The following MTMR12 variants were observed in gnomAD, a reference collection of about 807,000 sequenced individuals.
The protein encoded by MTMR12 is myotubularin-related protein 12.
MTMR12 carries 33 observed loss-of-function variants against 96.7 expected under a neutral mutation model. That is an observed-to-expected ratio of 0.34 (90% CI 0.26 to 0.46). The LOEUF is 0.46. MTMR12 is among the 20% of genes least tolerant of loss of function. MTMR12 has a pLI of 1.00. For missense variants in MTMR12, 721 were observed against 896.1 expected (o/e 0.80, Z 2.49); for synonymous variants, 298 against 327.2 (o/e 0.91, Z 0.96).
At chr5:32,255,316 A>C (rs1749094064) in intron 8 of MTMR12, among the ~76,000 whole-genome samples, 1 of 152,124 alleles carries the variant, frequency 6.6e-6, no homozygotes, top group Admixed American at 6.5e-5. Flanking sequence ...CTGGGAGAAA[A>C]CACCACCATG....
chr5:32,304,553 T>C (rs1433974390), intron 1 of MTMR12, among the ~76,000 whole-genome samples: 1 of 152,226 alleles, frequency 6.6e-6, no homozygotes, highest in Non-Finnish European at 1.5e-5. Flanking sequence ...TGGAATTTTC[T>C]CCAAAGCACA....
chr5:32,248,157 A>G lies in MTMR12; in HGVS notation c.897-31T>C, dbSNP rs774324656. ...TATCAAAAAGGAATATGAGATTAGA[A>G]GAGCAAACTCAAATTTTGCTTAAGG... On this transcript the variant is annotated intron_variant, in intron 9 of 15. Coordinates refer to ENST00000382142, the MANE Select transcript of MTMR12 (RefSeq NM_001040446.3). The G allele has an allele frequency of 8.7e-6, 14 of 1,601,984 alleles. No individual in the cohort carries two copies. The South Asian group carries it at 8.8e-5, about 10-fold the overall frequency.
chr5:32,236,837 CCA>C (rs1748253235), intron 13 of MTMR12, among the ~76,000 whole-genome samples: 1 of 144,722 alleles, frequency 6.9e-6, no homozygotes. Context: ...AACTCCTTCT[CCA>C]AAAAAAAAAA....
rs532805369 is a variant in MTMR12 at position 32,276,415 on chromosome 5, T to A, written c.142+267A>T. Among the ~76,000 whole-genome samples the A allele has an allele frequency of 2.4e-4, 36 of 152,380 alleles. No individual in the cohort carries two copies. In the South Asian group the frequency reaches 7.0e-3, roughly 30 times the overall value. ...AGAATGGCCTGAAAAAGTCCTCATTTGCTTGTGAAAGCAGTGAGAACATTC... is the reference window on the plus strand; with the variant it reads ...AGAATGGCCTGAAAAAGTCCTCATTAGCTTGTGAAAGCAGTGAGAACATTC... On this transcript the variant is annotated intron_variant, in intron 2 of 15. Transcript: ENST00000382142.
Position 32,228,589 on chromosome 5 carries a change from GTGATATATATATATATATCATATATA to G in MTMR12, c.*1163_*1188del, listed in dbSNP as rs1426724232. 1.3e-4 allele frequency: 13 copies of G among 103,268 alleles called. No individual in the cohort carries two copies. Among genetic ancestry groups the G allele is most frequent in the Non-Finnish European group, 1.9e-4 (10 of 53,850 alleles). 6.4% of individuals were successfully genotyped at this position (103,268 alleles called of 1,614,324 possible). A position where few individuals can be genotyped will look rare whatever the true frequency, so the allele number is the denominator to read the frequency against. ...TATATCATATATATATCATATATAT[GTGATATATATATATATATCATATATA>G]TGATATATATATATCACATATATAT... On this transcript the variant is annotated 3_prime_UTR_variant, in exon 16 of 16. Transcript: ENST00000382142.
chr5:32,232,969 C>A, intron 15 of MTMR12: 4 of 985,174 alleles, frequency 4.1e-6, no homozygotes, highest in Non-Finnish European at 4.8e-6. Flanking sequence ...ACCATCACTG[C>A]TCTCTCCTTT....
chr5:32,247,918 G>A (rs1748764533), intron 10 of MTMR12, 84 bp downstream of exon 10: 1 of 1,534,378 alleles, frequency 6.5e-7, no homozygotes, highest in African/African-American at 1.4e-5. Flanking sequence ...AGGAACCCAG[G>A]GAAAAGGCAC....
Position 32,276,787 on chromosome 5 carries a change from A to G in MTMR12, c.82-45T>C, listed in dbSNP as rs749575730. 9 of 1,490,384 alleles carry G rather than the reference A, an allele frequency of 6.0e-6. No homozygotes were observed. The East Asian group carries it at 1.8e-4, about 30-fold the overall frequency. 92.3% of individuals were successfully genotyped at this position (1,490,384 alleles called of 1,614,324 possible). ...GATATTTTTCTTTGTTTAAGGGTTT[A>G]AAATGAATAACATTAAGCCATGCTT... On this transcript the variant is annotated intron_variant, in intron 1 of 15. Transcript: ENST00000382142.
chr5:32,250,094 A>T (rs992032197), intron 8 of MTMR12, among the ~76,000 whole-genome samples: 1 of 152,348 alleles, frequency 6.6e-6, no homozygotes, highest in East Asian at 1.9e-4. Flanking sequence ...AGAGTTAGAG[A>T]TCGGCATGAC....
chr5:32,293,712 A>AC (rs1251591460), intron 1 of MTMR12, among the ~76,000 whole-genome samples: 1 of 151,910 alleles, frequency 6.6e-6, no homozygotes, highest in African/African-American at 2.4e-5. Flanking sequence ...GAGCTCTCTC[A>AC]CTCAAAGGTG....
intron 4 of MTMR12, among the ~76,000 whole-genome samples, chr5:32,271,405 C>T (rs1749826495): frequency 6.6e-6 from 1 of 152,186 alleles, no homozygotes; most frequent in South Asian, 2.1e-4. Context: ...TGAATGATTT[C>T]TGAAGATGCC....
chr5:32,232,600 TCCAG>T (rs2111976667), intron 15 of MTMR12, among the ~76,000 whole-genome samples: 1 of 152,324 alleles, frequency 6.6e-6, no homozygotes, highest in African/African-American at 2.4e-5. Flanking sequence ...CTGGTGCCAA[TCCAG>T]CTCTCATGAG....
chr5:32,247,830 T>C, intron 10 of MTMR12, 172 bp downstream of exon 10: 1 of 979,304 alleles, frequency 1.0e-6, no homozygotes. Flanking sequence ...TGGAGAGAGA[T>C]GGAGAGGGAA....
intron 1 of MTMR12, among the ~76,000 whole-genome samples, chr5:32,283,270 C>T (rs1162688491): frequency 6.6e-6 from 1 of 152,196 alleles, no homozygotes; most frequent in Non-Finnish European, 1.5e-5. Context: ...GGACTGTAGA[C>T]ATCACAGATG....
chr5:32,230,293 C>T lies in MTMR12; in HGVS notation c.1729G>A (p.Gly577Arg). The change falls in exon 16 of 16, where the codon GGA becomes AGA. Residue 577 changes from glycine (G) to arginine (R), a missense_variant. Gly to Arg is a moderately radical substitution (Grantham distance 125). Coordinates refer to ENST00000382142, the MANE Select transcript of MTMR12 (RefSeq NM_001040446.3). ...TGATCTGTTTCTTCCCTGAAAAATCCTCTTTTGGGAGATGACTTAGATTGT... is the reference window on the plus strand; with the variant it reads ...TGATCTGTTTCTTCCCTGAAAAATCTTCTTTTGGGAGATGACTTAGATTGT... ...LTQSKSSPKR[G>R]FFREETDHLI... is the part of the protein sequence containing the mutation. 1 of 1,613,708 alleles carries T rather than the reference C, an allele frequency of 6.2e-7. No homozygotes were observed. The highest frequency in any genetic ancestry group is 8.5e-7 in the Non-Finnish European group (1 of 1,179,926).
At chr5:32,272,369 A>C (rs1399371352) in intron 3 of MTMR12, among the ~76,000 whole-genome samples, 2 of 152,232 alleles carry the variant, frequency 1.3e-5, no homozygotes, top group East Asian at 3.9e-4. Context: ...GAAGTATGTG[A>C]GAAAAGCTCC....
chr5:32,245,469 G>A (rs1278991660), intron 10 of MTMR12, among the ~76,000 whole-genome samples: 1 of 152,206 alleles, frequency 6.6e-6, no homozygotes, highest in Non-Finnish European at 1.5e-5. Flanking sequence ...ATGAGCAGTA[G>A]AGAAGGACCC....
At chr5:32,272,349 A>G (rs562029174) in intron 3 of MTMR12, among the ~76,000 whole-genome samples, 8 of 152,188 alleles carry the variant, frequency 5.3e-5, no homozygotes, top group Middle Eastern at 3.4e-3. Flanking sequence ...ATTCCTAAAA[A>G]AGGGACGATG....
intron 1 of MTMR12, among the ~76,000 whole-genome samples, chr5:32,283,043 T>C (rs1750368641): frequency 6.6e-6 from 1 of 152,226 alleles, no homozygotes; most frequent in Non-Finnish European, 1.5e-5. Context: ...TGCTGAGTCC[T>C]ACATGTGGAT....
Sources: allele counts gnomAD v4.1 joint callset (sites outside exome capture counted in the v4.1 genomes callset), GRCh38; gene constraint gnomAD v4.1.1; transcripts MANE v1.5; gene names NCBI Gene and HGNC (gene_info 2026-07-23, HGNC 2026-07-21).